The following HSPA12A variants were observed in gnomAD, a reference collection of about 807,000 sequenced individuals.
HSPA12A encodes heat shock protein family A (Hsp70) member 12A.
Under a neutral mutation model 69.2 loss-of-function variants are expected in HSPA12A, and 28 were observed. That is an observed-to-expected ratio of 0.40 (90% confidence interval 0.30 to 0.55). HSPA12A has a LOEUF of 0.55. Among genes scored for constraint, HSPA12A ranks in the 20% least tolerant of loss-of-function variants. The probability of loss-of-function intolerance (pLI) is 0.38; values close to 1 mark genes in which losing one functional copy is unlikely to be tolerated. For missense variants in HSPA12A, 686 were observed against 900.7 expected (o/e 0.76, Z 3.05); for synonymous variants, 345 against 370.5 (o/e 0.93, Z 0.79).
intron 2 of HSPA12A, 47 bp downstream of exon 2, chr10:116,707,153 G>GCGCACACA (rs782367871): frequency 2.7e-5 from 16 of 583,486 alleles, no homozygotes; most frequent in South Asian, 2.0e-4. Flanking sequence ...ACCCATGCGC[G>GCGCACACA]CACACACACA....
intron 2 of HSPA12A, among the ~76,000 whole-genome samples, chr10:116,783,392 A>G (rs1589703556): frequency 6.6e-6 from 1 of 152,302 alleles, no homozygotes; most frequent in East Asian, 1.9e-4. Flanking sequence ...GGGAAGAGGG[A>G]CAGAGCCTGA....
chr10:116,733,123 C>T (rs868924994), intron 1 of HSPA12A, among the ~76,000 whole-genome samples: 3 of 152,212 alleles, frequency 2.0e-5, no homozygotes, highest in African/African-American at 7.2e-5. Flanking sequence ...GGACTGACTA[C>T]AAGCAGTTGT....
intron 2 of HSPA12A, among the ~76,000 whole-genome samples, chr10:116,797,916 A>G (rs1681733): frequency 1 from 152,062 of 152,202 alleles, 75,961 homozygotes; most frequent in Middle Eastern, 1. Flanking sequence ...GGGGACAGCC[A>G]GCTTTAGCCA....
At chr10:116,692,684 G>T (rs1212853670) in intron 5 of HSPA12A, among the ~76,000 whole-genome samples, 1 of 152,300 alleles carries the variant, frequency 6.6e-6, no homozygotes. Context: ...ATGGGACCGT[G>T]GGCTGGAGAA....
intron 9 of HSPA12A, among the ~76,000 whole-genome samples, chr10:116,680,279 C>T (rs1304697791): frequency 2.6e-5 from 4 of 152,206 alleles, no homozygotes; most frequent in South Asian, 4.2e-4. Context: ...CATGAGCCAC[C>T]ACTCCCAGCC....
chr10:116,766,073 T>C (rs1180985223), intron 2 of HSPA12A, among the ~76,000 whole-genome samples: 1 of 152,184 alleles, frequency 6.6e-6, no homozygotes, highest in Non-Finnish European at 1.5e-5. Flanking sequence ...CACATTCACC[T>C]TCCCACCTTT....
At chr10:116,712,977 A>AT (rs1850481892) in intron 1 of HSPA12A, among the ~76,000 whole-genome samples, 9 of 80,858 alleles carry the variant, frequency 1.1e-4, no homozygotes, top group African/African-American at 4.5e-4. Flanking sequence ...TAAAAAATGC[A>AT]ATATATATAT....
intron 6 of HSPA12A, among the ~76,000 whole-genome samples, chr10:116,688,790 A>G (rs1221940188): frequency 6.6e-6 from 1 of 152,188 alleles, no homozygotes; most frequent in Non-Finnish European, 1.5e-5. Flanking sequence ...ACGTTTCCGG[A>G]GCCTACTAGA....
intron 1 of HSPA12A, among the ~76,000 whole-genome samples, chr10:116,842,980 C>T (rs189919726): frequency 1.0e-3 from 156 of 152,286 alleles, no homozygotes; most frequent in Admixed American, 3.3e-3. Context: ...TTTCATTCTG[C>T]CCATATAGAA....
In HSPA12A at chr10:116,675,218, G is replaced by T. The variant is rs782645684; in HGVS notation, c.1591C>A (p.Arg531Ser). Residue 531 changes from arginine (R) to serine (S), a missense_variant, in exon 12 of 12, where the codon CGC (arginine) becomes AGC (serine). Physicochemically the swap from Arg to Ser is moderately radical, Grantham distance 110. Coordinates refer to ENST00000369209, the MANE Select transcript of HSPA12A (RefSeq NM_025015.3). The surrounding 1 kb of genome is among the most constrained non-coding windows in gnomAD (Gnocchi z 5.2). ...ACCCCGTAGGTGAGCGGCGACCGGC[G>T]CACCTTGATGACCGCGGGGTCCAGG... The part of the protein sequence containing the change: ...FGLDPAVIKV[R>S]RSPLTYGVGV... 1 of 1,613,682 alleles carries T rather than the reference G, an allele frequency of 6.2e-7. No individual in the cohort carries two copies. Among genetic ancestry groups the T allele is most frequent in the Non-Finnish European group, 8.5e-7 (1 of 1,180,022 alleles).
intron 2 of HSPA12A, among the ~76,000 whole-genome samples, chr10:116,777,656 T>C (rs1844369928): frequency 2.0e-5 from 3 of 152,224 alleles, no homozygotes; most frequent in Non-Finnish European, 4.4e-5. Context: ...ATCCCAGAGC[T>C]GCAACAGACA....
intron 2 of HSPA12A, among the ~76,000 whole-genome samples, chr10:116,748,057 C>A (rs1323288875): frequency 1.3e-5 from 2 of 152,090 alleles, no homozygotes; most frequent in African/African-American, 4.8e-5. Context: ...AGATACTAAA[C>A]CTCTTGTTCA....
chr10:116,820,446 TGCTGTTTCCACCAATGGTATG>T (rs1236253308), intron 2 of HSPA12A, among the ~76,000 whole-genome samples: 1 of 152,092 alleles, frequency 6.6e-6, no homozygotes, highest in Non-Finnish European at 1.5e-5. Context: ...GTTACCTGCC[TGCTGTTTCCACCAATGGTATG>T]GTCACATGAC....
At chr10:116,819,731 C>G (rs999783610) in intron 2 of HSPA12A, among the ~76,000 whole-genome samples, 1 of 152,116 alleles carries the variant, frequency 6.6e-6, no homozygotes, top group African/African-American at 2.4e-5. Flanking sequence ...ATGATGGCAA[C>G]GTGGGAAAAT....
At chr10:116,767,738 G>C (rs1844112003) in intron 2 of HSPA12A, among the ~76,000 whole-genome samples, 1 of 152,224 alleles carries the variant, frequency 6.6e-6, no homozygotes, top group South Asian at 2.1e-4. Context: ...CCAGGCAAGA[G>C]ACCCCTTTGC....
chr10:116,804,271 A>AC (rs1436914004), intron 2 of HSPA12A, among the ~76,000 whole-genome samples: 24 of 152,058 alleles, frequency 1.6e-4, no homozygotes, highest in Non-Finnish European at 4.4e-5. Flanking sequence ...TTCATCAAAC[A>AC]CCCCAACGTG....
chr10:116,739,532 G>A (rs1284415795), intron 1 of HSPA12A, among the ~76,000 whole-genome samples: 7 of 151,976 alleles, frequency 4.6e-5, no homozygotes, highest in African/African-American at 1.7e-4. Flanking sequence ...AAATGACTTG[G>A]TTTCCACTCT....
chr10:116,742,459 T>A lies in HSPA12A; in HGVS notation c.11A>T (p.Lys4Met). 1 of 1,399,810 alleles carries A rather than the reference T, an allele frequency of 7.1e-7. No individual in the cohort carries two copies. The highest frequency in any genetic ancestry group is 9.3e-7 in the Non-Finnish European group (1 of 1,074,726). The allele number at this position is 1,399,810 out of a possible 1,614,324, so 86.7% of individuals were successfully genotyped here. Residue 4 changes from lysine to methionine, a missense_variant, in exon 1 of 12, where the codon AAG becomes ATG. Transcript: ENST00000369209. MAD[K>M]EAGGSDGPRE... ...GGGCCCGTCGCTGCCGCCGGCCTCC[T>A]TGTCCGCCATGGTCGCGCAGCCCCG...
Position 116,742,491 on chromosome 10 carries a change from GA to G in HSPA12A, c.-23del. On this transcript the variant is annotated 5_prime_UTR_variant, in exon 1 of 12. Coordinates refer to ENST00000369209, the MANE Select transcript of HSPA12A (RefSeq NM_025015.3). The stretch of plus-strand genomic sequence containing the variant: ...CCATGGTCGCGCAGCCCCGGACCGC[GA>G]GGGGAGCCTCCAGCGCAGCGCCCGT... 7.5e-7 allele frequency: 1 copy of G among 1,334,166 alleles called. No individual in the cohort carries two copies. Among genetic ancestry groups the G allele is most frequent in the Non-Finnish European group, 9.6e-7 (1 of 1,040,818 alleles). 82.6% of individuals were successfully genotyped at this position (1,334,166 alleles called of 1,614,324 possible).
Sources: gnomAD v4.1 joint callset for allele counts (sites outside exome capture counted in the v4.1 genomes callset) on GRCh38, gnomAD v4.1.1 for gene constraint, Gnocchi (gnomAD v3.1) non-coding constraint, MANE v1.5 for transcripts, NCBI Gene and HGNC (gene_info 2026-07-23, HGNC 2026-07-21) for gene names.